The following RBFOX3 variants were observed in gnomAD, a reference collection of about 807,000 sequenced individuals.
RBFOX3 encodes RNA binding protein fox-1 homolog 3.
Under a neutral mutation model 48.7 loss-of-function variants are expected in RBFOX3, and 17 were observed. The ratio of observed to expected loss-of-function variants is 0.35; its 90% CI spans 0.24 to 0.52. The LOEUF (loss-of-function observed/expected upper bound fraction) is 0.52, where lower values mean the gene tolerates loss of function less well. Among genes scored for constraint, RBFOX3 ranks in the 20% least tolerant of loss-of-function variants. The probability of loss-of-function intolerance (pLI) is 0.94; values close to 1 mark genes in which losing one functional copy is unlikely to be tolerated. For synonymous variants in RBFOX3, 212 were observed against 209.5 expected, an observed-to-expected ratio of 1.01 and a Z score of -0.10; for missense variants, 382 against 497.5, an observed-to-expected ratio of 0.77 and a Z score of 2.21.
chr17:79,189,352 C>G (rs2054024332), intron 4 of RBFOX3, among the ~76,000 whole-genome samples: 1 of 152,228 alleles, frequency 6.6e-6, no homozygotes, highest in Non-Finnish European at 1.5e-5. Context: ...AGACTTGGAA[C>G]TTGGATTTAT....
chr17:79,468,986 G>GGATGGATA (rs370251658), intron 2 of RBFOX3, among the ~76,000 whole-genome samples: 6,994 of 91,140 alleles, frequency 0.077, 266 homozygotes, highest in Non-Finnish European at 0.095. Flanking sequence ...ATGGATGGAT[G>GGATGGATA]GATAGCAGAT....
At chr17:79,396,704 G>A (rs1203406986) in intron 2 of RBFOX3, among the ~76,000 whole-genome samples, 3 of 152,222 alleles carry the variant, frequency 2.0e-5, no homozygotes, top group Non-Finnish European at 4.4e-5. Context: ...CCCACCTACT[G>A]CTCGGAGGGA....
At chr17:79,161,587 G>GT (rs946018750) in intron 4 of RBFOX3, among the ~76,000 whole-genome samples, 3 of 152,170 alleles carry the variant, frequency 2.0e-5, no homozygotes, top group African/African-American at 7.2e-5. Context: ...TGGCTCTTCC[G>GT]TTTTTTTTTT....
chr17:79,170,047 GAGGGA>G (rs1197000045), intron 4 of RBFOX3, among the ~76,000 whole-genome samples: 1 of 149,898 alleles, frequency 6.7e-6, no homozygotes, highest in African/African-American at 2.5e-5. Context: ...GGAAGGAGAA[GAGGGA>G]AGGGAAGGAG....
intron 4 of RBFOX3, among the ~76,000 whole-genome samples, chr17:79,217,421 C>T (rs761856415): frequency 6.6e-6 from 1 of 152,232 alleles, no homozygotes; most frequent in Non-Finnish European, 1.5e-5. Context: ...GGAACAGACT[C>T]ATTCTTTCAA....
intron 4 of RBFOX3, among the ~76,000 whole-genome samples, chr17:79,206,374 T>C (rs1249986884): frequency 6.6e-6 from 1 of 152,132 alleles, no homozygotes; most frequent in African/African-American, 2.4e-5. Context: ...TGCAGTGACA[T>C]CATCCCAGTG....
At chr17:79,239,247 G>T (rs1197754443) in intron 3 of RBFOX3, among the ~76,000 whole-genome samples, 1 of 152,104 alleles carries the variant, frequency 6.6e-6, no homozygotes, top group Non-Finnish European at 1.5e-5. Flanking sequence ...AAGGAGAGAG[G>T]CCCCCCAGGT....
intron 2 of RBFOX3, among the ~76,000 whole-genome samples, chr17:79,431,111 A>T (rs1274547621): frequency 6.6e-6 from 1 of 152,228 alleles, no homozygotes; most frequent in African/African-American, 2.4e-5. Flanking sequence ...CCGATCGGTG[A>T]TCATGGGTAT....
chr17:79,589,498 G>T (rs1290895890), intron 1 of RBFOX3, among the ~76,000 whole-genome samples: 4 of 152,196 alleles, frequency 2.6e-5, no homozygotes, highest in Non-Finnish European at 5.9e-5. Context: ...TGTCTCTAAG[G>T]TCACATTCTG....
intron 1 of RBFOX3, among the ~76,000 whole-genome samples, chr17:79,524,068 G>T (rs1345135262): frequency 6.6e-6 from 1 of 152,136 alleles, no homozygotes; most frequent in Non-Finnish European, 1.5e-5. Context: ...TGGGTTAAAT[G>T]GTCCTTAAGA....
chr17:79,440,996 G>T (rs138858395), intron 2 of RBFOX3, among the ~76,000 whole-genome samples: 3 of 152,374 alleles, frequency 2.0e-5, no homozygotes, highest in Admixed American at 6.5e-5. Context: ...TCCCGCCAGA[G>T]CTGGCTTGGG....
At chr17:79,622,352 T>C in the RBFOX3 span, among the ~76,000 whole-genome samples, 1 of 152,114 alleles carries the variant, frequency 6.6e-6, no homozygotes, top group South Asian at 2.1e-4. Flanking sequence ...CCCCGTACCC[T>C]GCACCCTCCC....
At chr17:79,438,151 G>T (rs1474761425) in intron 2 of RBFOX3, among the ~76,000 whole-genome samples, 2 of 152,052 alleles carry the variant, frequency 1.3e-5, no homozygotes, top group African/African-American at 2.4e-5. Flanking sequence ...AAATGCAGCT[G>T]CAGTGACCTT....
intron 4 of RBFOX3, among the ~76,000 whole-genome samples, chr17:79,211,918 A>G (rs937674416): frequency 1.3e-5 from 2 of 152,060 alleles, no homozygotes; most frequent in Non-Finnish European, 2.9e-5. Context: ...ACTGCTGGGC[A>G]CGGGGATACG....
chr17:79,211,944 C>A (rs1290795751), intron 4 of RBFOX3, among the ~76,000 whole-genome samples: 1 of 152,148 alleles, frequency 6.6e-6, no homozygotes, highest in Admixed American at 6.5e-5. Context: ...GGGAACAAGA[C>A]AGATGAGACC....
chr17:79,357,799 G>C (rs2085477101), intron 2 of RBFOX3, among the ~76,000 whole-genome samples: 1 of 146,586 alleles, frequency 6.8e-6, no homozygotes, highest in African/African-American at 2.6e-5. Flanking sequence ...TTACCTCAAG[G>C]GTGTTTTTTT....
At chr17:79,379,379 C>T (rs554212500) in intron 2 of RBFOX3, among the ~76,000 whole-genome samples, 19 of 152,226 alleles carry the variant, frequency 1.2e-4, no homozygotes, top group Non-Finnish European at 1.8e-4. Context: ...ATGGAAAAGT[C>T]GAAGAAGGGG....
intron 2 of RBFOX3, among the ~76,000 whole-genome samples, chr17:79,463,341 T>C (rs1366273734): frequency 1.2e-3 from 25 of 21,446 alleles, no homozygotes; most frequent in East Asian, 2.4e-3. Context: ...TCCACCACCA[T>C]CGCCACCTCC....
At chr17:79,128,405 C>T (rs773801708) in intron 4 of RBFOX3, among the ~76,000 whole-genome samples, 5 of 152,170 alleles carry the variant, frequency 3.3e-5, no homozygotes, top group African/African-American at 4.8e-5. Context: ...GCTTTGTGGA[C>T]CCAGGATCCG....
Sources: allele counts gnomAD v4.1 joint callset (sites outside exome capture counted in the v4.1 genomes callset), GRCh38; gene constraint gnomAD v4.1.1; transcripts MANE v1.5; gene names NCBI Gene and HGNC (gene_info 2026-07-23, HGNC 2026-07-21).